The following LPP variants were observed in gnomAD, a reference collection of about 807,000 sequenced individuals.
LPP encodes the protein lipoma-preferred partner.
In LPP, 38 loss-of-function variants were observed where a neutral mutation model predicts 60.4. The ratio of observed to expected loss-of-function variants is 0.63; its 90% CI spans 0.49 to 0.83. The LOEUF is 0.83. Ranked by LOEUF, LPP falls within the 40% of genes least tolerant of loss-of-function variation. The pLI is 0.00. For synonymous variants in LPP, 328 were observed against 290.8 expected (o/e 1.13, Z -1.30); for missense variants, 902 against 783.6 (o/e 1.15, Z -1.80).
intron 7 of LPP, among the ~76,000 whole-genome samples, chr3:188,705,141 T>C (rs898515394): frequency 2.0e-5 from 3 of 152,236 alleles, no homozygotes; most frequent in Admixed American, 6.5e-5. Context: ...AACTACTTGC[T>C]GTACAATAAA....
rs1254767500 is a variant in LPP at position 188,663,242 on chromosome 3, C to G, written c.1114-45025C>G. On this transcript the variant is annotated intron_variant, in intron 7 of 11. Transcript: ENST00000617246. ...TCTTTCCATGTGAGACATCTTGGAT[C>G]TGATTAAAGGGCCTTGTGGTGTCTG... Among the ~76,000 whole-genome samples, 5 of 152,166 alleles carry G rather than the reference C, an allele frequency of 3.3e-5. No homozygotes were observed. The East Asian group carries it at 9.6e-4, about 29-fold the overall frequency.
rs138833048 is a variant in LPP, at chr3:188,322,519, T to C, written c.-66-19144T>C. Among the ~76,000 whole-genome samples, 288 of 152,342 alleles carry C rather than the reference T, an allele frequency of 1.9e-3. 2 individuals carry two copies. The highest frequency in any genetic ancestry group is 6.7e-3 in the African/African-American group (278 of 41,584). ...GGTCAGAGGTAACTCTTATAGAATC[T>C]ATGATGGCTTAGTCGTTCACTCTTC... On this transcript the variant is annotated intron_variant, in intron 2 of 11. Transcript: ENST00000617246.
chr3:188,507,632 G>C (rs953724329), intron 5 of LPP, among the ~76,000 whole-genome samples: 1 of 152,110 alleles, frequency 6.6e-6, no homozygotes, highest in Non-Finnish European at 1.5e-5. Flanking sequence ...GCAAAACCTT[G>C]TATAGCAAGA....
At chr3:188,842,401 C>T (rs760241216) in intron 9 of LPP, among the ~76,000 whole-genome samples, 3 of 152,074 alleles carry the variant, frequency 2.0e-5, no homozygotes, top group African/African-American at 7.2e-5. Context: ...GTTGTTTGAA[C>T]TCCTTATATA....
rs1441438907 is a variant in LPP, at chr3:188,609,256, C to T, written c.525C>T (p.Thr175=). The T allele has an allele frequency of 5.0e-6, 8 of 1,614,046 alleles. No individual in the cohort carries two copies. Among genetic ancestry groups the T allele is most frequent in the Non-Finnish European group, 6.8e-6 (8 of 1,180,006 alleles). The change falls in exon 7 of 12, where the codon ACC becomes ACT. Residue 175 remains threonine, a synonymous_variant. Coordinates refer to ENST00000617246, the MANE Select transcript of LPP (RefSeq NM_001375462.1). The surrounding 1 kb of genome is among the most constrained non-coding windows in gnomAD (Gnocchi z 6.9). ...CGAACCAACCCCCTCTAACAGCAAC[C>T]AAGAAGTCTACATTGAAACCACAGC... ...VIPNQPPLTA[T]KKSTLKPQPA...
intron 2 of LPP, chr3:188,240,181 T>C (rs1723520760): frequency 5.5e-6 from 1 of 182,654 alleles, no homozygotes; most frequent in Admixed American, 6.3e-5. Context: ...TATGTGTAAA[T>C]GATATCTGTG....
intron 3 of LPP, among the ~76,000 whole-genome samples, chr3:188,366,568 C>T (rs961009970): frequency 2.0e-5 from 3 of 152,130 alleles, no homozygotes; most frequent in Non-Finnish European, 2.9e-5. Flanking sequence ...AATTCCTTAA[C>T]GTGTGTGAGG....
At chr3:188,355,199 G>A (rs1425209263) in intron 3 of LPP, among the ~76,000 whole-genome samples, 1 of 152,082 alleles carries the variant, frequency 6.6e-6, no homozygotes, top group African/African-American at 2.4e-5. Flanking sequence ...AGTAGAGACA[G>A]GGTTTCACCA....
chr3:188,640,514 A>G (rs1357166733), intron 7 of LPP, among the ~76,000 whole-genome samples: 1 of 130,272 alleles, frequency 7.7e-6, no homozygotes, highest in Non-Finnish European at 1.6e-5. Flanking sequence ...AACTTAAAGT[A>G]TAATAATAAT....
chr3:188,566,801 A>G (rs1326411028), intron 6 of LPP, among the ~76,000 whole-genome samples: 1 of 151,860 alleles, frequency 6.6e-6, no homozygotes, highest in Admixed American at 6.6e-5. Flanking sequence ...CACTAAGCTC[A>G]GAGCAAGGCT....
At chr3:188,825,514 A>G (rs1204936471) in intron 9 of LPP, among the ~76,000 whole-genome samples, 2 of 152,096 alleles carry the variant, frequency 1.3e-5, no homozygotes, top group Non-Finnish European at 2.9e-5. Flanking sequence ...GACAGGAAAC[A>G]TGTATCTGAA....
At position 188,557,996 on chromosome 3, in the gene LPP, C is replaced by T. The variant is rs75060898; in HGVS notation, c.429+33209C>T. ...TGACCAGAAAGAGAATGGATGTTAT[C>T]AGTATTTTTGAGCAGAAAGCATGCG... On this transcript the variant is annotated intron_variant, in intron 6 of 11. Coordinates refer to ENST00000617246, the MANE Select transcript of LPP (RefSeq NM_001375462.1). Among the ~76,000 whole-genome samples, 237 of 152,142 alleles carry T rather than the reference C, an allele frequency of 1.6e-3. 2 individuals are homozygous for T. Among genetic ancestry groups the T allele is most frequent in the African/African-American group, 5.5e-3 (230 of 41,546 alleles).
chr3:188,300,365 G>A (rs79522030), intron 2 of LPP, among the ~76,000 whole-genome samples: 5,655 of 151,294 alleles, frequency 0.037, 328 homozygotes, highest in African/African-American at 0.12. Context: ...ATTTTGTGAC[G>A]AACGATTGTG....
chr3:188,377,250 C>T (rs1356586598), intron 3 of LPP, among the ~76,000 whole-genome samples: 5 of 152,156 alleles, frequency 3.3e-5, no homozygotes, highest in African/African-American at 9.7e-5. Context: ...TGAATGTTGG[C>T]CTGCCTTGCT....
chr3:188,275,324 T>C (rs1300847989), intron 2 of LPP, among the ~76,000 whole-genome samples: 3 of 152,234 alleles, frequency 2.0e-5, no homozygotes, highest in African/African-American at 7.2e-5. Flanking sequence ...GTTTGGTGAA[T>C]AAATGGAGCC....
At chr3:188,377,422 T>C (rs1775476759) in intron 3 of LPP, among the ~76,000 whole-genome samples, 1 of 152,208 alleles carries the variant, frequency 6.6e-6, no homozygotes, top group Non-Finnish European at 1.5e-5. Context: ...TTCCTTTTTC[T>C]CTGAACTTCT....
At chr3:188,206,157 TC>T (rs1485684947) in intron 1 of LPP, among the ~76,000 whole-genome samples, 1 of 151,998 alleles carries the variant, frequency 6.6e-6, no homozygotes, top group Non-Finnish European at 1.5e-5. Flanking sequence ...TTAATTCAAA[TC>T]CCCGTCTCAG....
At chr3:188,204,550 A>G (rs1027076412) in intron 1 of LPP, among the ~76,000 whole-genome samples, 6 of 152,168 alleles carry the variant, frequency 3.9e-5, no homozygotes, top group African/African-American at 1.2e-4. Context: ...AATATTTTTT[A>G]TAGTTGTAGA....
chr3:188,830,588 G>C (rs1395824917), intron 9 of LPP, among the ~76,000 whole-genome samples: 3 of 151,446 alleles, frequency 2.0e-5, no homozygotes, highest in Non-Finnish European at 4.4e-5. Flanking sequence ...CTGGGCAACA[G>C]AGTGAAACTC....
Sources: gnomAD v4.1 joint callset for allele counts (sites outside exome capture counted in the v4.1 genomes callset) on GRCh38, gnomAD v4.1.1 for gene constraint, Gnocchi (gnomAD v3.1) non-coding constraint, MANE v1.5 for transcripts, NCBI Gene and HGNC (gene_info 2026-07-23, HGNC 2026-07-21) for gene names.